The following INPP5D variants were observed in gnomAD, a reference collection of about 807,000 sequenced individuals.
INPP5D encodes the protein inositol polyphosphate-5-phosphatase D, also known as phosphatidylinositol 3,4,5-trisphosphate 5-phosphatase 1.
In INPP5D, 33 loss-of-function variants were observed where a neutral mutation model predicts 122.9. The observed-to-expected ratio is 0.27, with a 90% CI of 0.20 to 0.36. The LOEUF (loss-of-function observed/expected upper bound fraction) is 0.36. INPP5D is among the 10% of genes least tolerant of loss of function. The pLI is 1.00. For synonymous variants in INPP5D, 584 were observed against 576.2 expected (o/e 1.01, Z -0.19); for missense variants, 1,053 against 1,412.7 (o/e 0.75, Z 4.08).
chr2:233,075,317 CAG>C (rs944234354), intron 1 of INPP5D, among the ~76,000 whole-genome samples: 22 of 152,314 alleles, frequency 1.4e-4, no homozygotes, highest in African/African-American at 4.8e-4. Flanking sequence ...GGAGGAGTCT[CAG>C]CTGAGAGCCA....
chr2:233,113,929 C>T (rs1266770011), intron 2 of INPP5D, among the ~76,000 whole-genome samples: 16 of 122,202 alleles, frequency 1.3e-4, no homozygotes, highest in Non-Finnish European at 8.1e-5. Context: ...TTTTTTGAGA[C>T]GGAGTCTCGC....
intron 6 of INPP5D, chr2:233,141,559 T>A (rs1450769328): frequency 6.9e-6 from 1 of 145,456 alleles, no homozygotes; most frequent in Non-Finnish European, 1.5e-5. Context: ...AGAGTGAGAC[T>A]CCATCTCCAT....
At position 233,177,983 on chromosome 2, in the gene INPP5D, A is replaced by G. The variant is rs1326932927; in HGVS notation, c.2071+637A>G. Among the ~76,000 whole-genome samples, 2 of 152,244 alleles carry G rather than the reference A, an allele frequency of 1.3e-5. No individual in the cohort carries two copies. Among genetic ancestry groups the G allele is most frequent in the Non-Finnish European group, 2.9e-5 (2 of 68,040 alleles). On this transcript the variant is annotated intron_variant, in intron 18 of 26. Transcript: ENST00000445964. This position sits in a 1 kb window ranked among gnomAD's most constrained non-coding sequence, Gnocchi z 4.2. ...TCAGAAATAGTTATTGGAAATTCAT[A>G]TGGCTCAAACTAATACATGTCGCAA...
chr2:233,068,093 A>C (rs6721932), intron 1 of INPP5D, among the ~76,000 whole-genome samples: 30,413 of 151,832 alleles, frequency 0.2, 3,626 homozygotes, highest in African/African-American at 0.31. Flanking sequence ...CAAGACCAGC[A>C]TGACCAACAT....
chr2:233,120,889 C>G (rs955726314), intron 2 of INPP5D, among the ~76,000 whole-genome samples: 1 of 151,658 alleles, frequency 6.6e-6, no homozygotes, highest in Non-Finnish European at 1.5e-5. Flanking sequence ...TGAGTTTTGA[C>G]AAAAACAACT....
intron 25 of INPP5D, among the ~76,000 whole-genome samples, chr2:233,203,708 A>G (rs1436360640): frequency 6.6e-6 from 1 of 152,196 alleles, no homozygotes; most frequent in South Asian, 2.1e-4. Flanking sequence ...CCTGGGCAAT[A>G]TAGTGAGACT....
At chr2:233,146,284 G>A (rs1353503463) in intron 7 of INPP5D, 42 bp downstream of exon 7, 1 of 704,094 alleles carries the variant, frequency 1.4e-6, no homozygotes, top group Non-Finnish European at 2.6e-6. Context: ...TCTCCTCTTT[G>A]GTCCCCTCTT....
intron 17 of INPP5D, among the ~76,000 whole-genome samples, chr2:233,172,300 G>C (rs1191574445): frequency 2.0e-5 from 3 of 152,198 alleles, no homozygotes; most frequent in Non-Finnish European, 4.4e-5. Flanking sequence ...GCCGGTCCTA[G>C]ATGCCAGGAT....
intron 2 of INPP5D, among the ~76,000 whole-genome samples, chr2:233,081,297 G>C (rs1046761224): frequency 1.3e-5 from 2 of 152,196 alleles, no homozygotes; most frequent in African/African-American, 2.4e-5. Flanking sequence ...TCAAGTCTAG[G>C]AGGGCATGAG....
At chr2:233,121,482 T>A (rs1045449809) in intron 2 of INPP5D, among the ~76,000 whole-genome samples, 4 of 151,292 alleles carry the variant, frequency 2.6e-5, no homozygotes, top group African/African-American at 9.8e-5. Flanking sequence ...TTTGCCATAA[T>A]ATAAATGTAC....
At chr2:233,132,082 A>G (rs906609202) in intron 5 of INPP5D, among the ~76,000 whole-genome samples, 1 of 152,204 alleles carries the variant, frequency 6.6e-6, no homozygotes, top group Admixed American at 6.5e-5. Context: ...TATCATTTTT[A>G]TAGATTCCCA....
chr2:233,138,003 G>A (rs1693538195), intron 5 of INPP5D, among the ~76,000 whole-genome samples: 1 of 143,694 alleles, frequency 7.0e-6, no homozygotes, highest in East Asian at 2.0e-4. Flanking sequence ...AATGTAATGA[G>A]ATTATATTAT....
chr2:233,181,870 T>C (rs1204973381), intron 18 of INPP5D, among the ~76,000 whole-genome samples: 1 of 151,816 alleles, frequency 6.6e-6, no homozygotes, highest in African/African-American at 2.4e-5. Flanking sequence ...CCGAGGCGAG[T>C]GGATCACCTG....
intron 19 of INPP5D, among the ~76,000 whole-genome samples, chr2:233,184,191 G>C (rs1004958689): frequency 6.6e-6 from 1 of 152,152 alleles, no homozygotes; most frequent in Admixed American, 6.5e-5. Context: ...GCATCTTTCT[G>C]CCCCGCTCTC....
In INPP5D at chr2:233,131,254, T is replaced by C. The variant is rs560158784; in HGVS notation, c.665+606T>C. On this transcript the variant is annotated intron_variant, in intron 5 of 26. Transcript: ENST00000445964. The stretch of plus-strand genomic sequence containing the variant: ...TAATTTCAAGTTAATTACATTTTAA[T>C]TGTTAAAAGTGCAAAAGTAAGGCTA... 1.2e-5 allele frequency: 5 copies of C among 406,166 alleles called. No homozygotes were observed. In the South Asian group the frequency reaches 4.1e-4, roughly 34 times the overall value. The allele number at this position is 406,166 out of a possible 1,614,324, so 25.2% of individuals were successfully genotyped here.
intron 1 of INPP5D, among the ~76,000 whole-genome samples, chr2:233,066,083 G>A (rs1375705857): frequency 6.6e-5 from 10 of 151,992 alleles, no homozygotes; most frequent in African/African-American, 2.2e-4. Flanking sequence ...TCAGTTTCCC[G>A]AGTAGCTGGT....
intron 9 of INPP5D, among the ~76,000 whole-genome samples, chr2:233,154,478 A>G (rs1220112024): frequency 6.6e-6 from 1 of 152,208 alleles, no homozygotes; most frequent in Non-Finnish European, 1.5e-5. Flanking sequence ...AACAAGATGC[A>G]CATGAACTGG....
intron 9 of INPP5D, among the ~76,000 whole-genome samples, chr2:233,154,039 C>T (rs1444577941): frequency 1.3e-5 from 2 of 152,262 alleles, no homozygotes; most frequent in African/African-American, 2.4e-5. Flanking sequence ...CCCTGCTCGA[C>T]AGACCCCACC....
At chr2:233,122,031 G>A in intron 2 of INPP5D, 76 bp from the exon 3 acceptor site, 3 of 1,547,890 alleles carry the variant, frequency 1.9e-6, no homozygotes, top group Non-Finnish European at 1.8e-6. Context: ...GCTGGTCTCT[G>A]CTGCAGTTGG....
Sources: gnomAD v4.1 joint callset for allele counts (sites outside exome capture counted in the v4.1 genomes callset) on GRCh38, gnomAD v4.1.1 for gene constraint, Gnocchi (gnomAD v3.1) non-coding constraint, MANE v1.5 for transcripts, NCBI Gene and HGNC (gene_info 2026-07-23, HGNC 2026-07-21) for gene names.